The following MAST4 variants were observed in gnomAD, a reference collection of about 807,000 sequenced individuals.
MAST4 encodes microtubule associated serine/threonine kinase family member 4.
MAST4 carries 89 observed loss-of-function variants against 162.7 expected under a neutral mutation model. The ratio of observed to expected loss-of-function variants is 0.55; its 90% CI spans 0.46 to 0.65. The LOEUF is 0.65. Among genes scored for constraint, MAST4 ranks in the 30% least tolerant of loss-of-function variants. The pLI is 0.00. For synonymous variants in MAST4, 1,479 were observed against 1,361.1 expected, an observed-to-expected ratio of 1.09 and a Z score of -1.91; for missense variants, 3,153 against 3,374.0, an observed-to-expected ratio of 0.93 and a Z score of 1.62.
At position 66,966,581 on chromosome 5, in the gene MAST4, A is replaced by G. The variant is rs191979947; in HGVS notation, c.674+66599A>G. 1.3e-3 allele frequency among the ~76,000 whole-genome samples: 201 copies of G among 152,304 alleles called. 4 individuals carry two copies. The highest frequency in any genetic ancestry group is 9.7e-3 in the Admixed American group (148 of 15,304). ...TGGGCATCAACATTTAGCTGGTGGAAAGGGAAAGAGCATGGAGGGTGGTGC... is the reference window on the plus strand; with the variant it reads ...TGGGCATCAACATTTAGCTGGTGGAGAGGGAAAGAGCATGGAGGGTGGTGC... On this transcript the variant is annotated intron_variant, in intron 4 of 28. Transcript: ENST00000403625.
At chr5:66,875,514 G>A (rs25837) in intron 3 of MAST4, among the ~76,000 whole-genome samples, 3 of 151,944 alleles carry the variant, frequency 2.0e-5, no homozygotes, top group African/African-American at 7.3e-5. Context: ...GGGAACAAAA[G>A]CATCTCAATC....
At chr5:66,687,819 A>G (rs2149492295) in intron 1 of MAST4, among the ~76,000 whole-genome samples, 1 of 152,282 alleles carries the variant, frequency 6.6e-6, no homozygotes, top group Middle Eastern at 3.4e-3. Context: ...TCTTTTGAGT[A>G]AATACTCAGT....
intron 1 of MAST4, among the ~76,000 whole-genome samples, chr5:66,603,242 AAGCT>A (rs1378837880): frequency 6.6e-6 from 1 of 152,224 alleles, no homozygotes; most frequent in African/African-American, 2.4e-5. Context: ...ACTAACAGCA[AAGCT>A]TTATTGTATA....
chr5:66,746,912 CAA>C (rs1257411387), intron 1 of MAST4, among the ~76,000 whole-genome samples: 2 of 152,160 alleles, frequency 1.3e-5, no homozygotes, highest in African/African-American at 2.4e-5. Context: ...AAACTATGCA[CAA>C]AGTGTGCCAT....
Position 67,142,255 on chromosome 5 carries a change from C to T in MAST4, c.2617+18C>T, listed in dbSNP as rs375705230. 3.7e-6 allele frequency: 6 copies of T among 1,611,384 alleles called. No homozygotes were observed. Among genetic ancestry groups the T allele is most frequent in the Non-Finnish European group, 4.2e-6 (5 of 1,178,260 alleles). On this transcript the variant is annotated intron_variant, in intron 20 of 28. Coordinates refer to ENST00000403625, the MANE Select transcript of MAST4 (RefSeq NM_001164664.2). ...TTTTGATAGTATGTGCTTTATCTGA[C>T]ATAAAACATTGTTTGGCCTTTACTC...
At chr5:67,092,011 C>G (rs1281545406) in intron 6 of MAST4, among the ~76,000 whole-genome samples, 9 of 152,172 alleles carry the variant, frequency 5.9e-5, no homozygotes. Flanking sequence ...TATGAAAACT[C>G]AAATTGGTGT....
chr5:66,727,533 A>G (rs1012688241), intron 1 of MAST4, among the ~76,000 whole-genome samples: 1 of 152,162 alleles, frequency 6.6e-6, no homozygotes, highest in Non-Finnish European at 1.5e-5. Context: ...GGCAGTAAAA[A>G]GTATAGTTTC....
intron 5 of MAST4, among the ~76,000 whole-genome samples, chr5:67,059,925 A>G (rs1283675229): frequency 6.6e-6 from 1 of 152,112 alleles, no homozygotes; most frequent in East Asian, 1.9e-4. Context: ...AAAACAAAAC[A>G]TCCCGAATCC....
At chr5:66,727,639 C>T (rs1246695230) in intron 1 of MAST4, among the ~76,000 whole-genome samples, 1 of 152,202 alleles carries the variant, frequency 6.6e-6, no homozygotes, top group East Asian at 1.9e-4. Flanking sequence ...TAAAGAGCTG[C>T]ACACAAGGAT....
intron 14 of MAST4, among the ~76,000 whole-genome samples, chr5:67,123,956 C>G (rs1169086098): frequency 2.0e-5 from 3 of 149,850 alleles, no homozygotes; most frequent in African/African-American, 7.5e-5. Context: ...ACACACACAC[C>G]CTCCTTCCCA....
chr5:67,059,010 G>A (rs1047344927), intron 5 of MAST4, among the ~76,000 whole-genome samples: 1 of 152,206 alleles, frequency 6.6e-6, no homozygotes, highest in Non-Finnish European at 1.5e-5. Context: ...TCTGCTCAGG[G>A]TATTATGAGG....
chr5:67,061,062 C>T (rs76706481), intron 5 of MAST4, among the ~76,000 whole-genome samples: 1,906 of 152,236 alleles, frequency 0.013, 25 homozygotes, highest in African/African-American at 0.031. Flanking sequence ...TACAAGAAAT[C>T]ACCTGGGAAA....
At chr5:66,790,407 C>G (rs1393704119) in intron 3 of MAST4, among the ~76,000 whole-genome samples, 1 of 152,112 alleles carries the variant, frequency 6.6e-6, no homozygotes, top group South Asian at 2.1e-4. Flanking sequence ...CCTGATTCTT[C>G]TTTCAGAATA....
chr5:66,942,672 T>C (rs1194557053), intron 4 of MAST4, among the ~76,000 whole-genome samples: 1 of 152,020 alleles, frequency 6.6e-6, no homozygotes, highest in African/African-American at 2.4e-5. Context: ...TACAAAAAAA[T>C]GTTTATTGAT....
chr5:67,000,324 A>G (rs73103973), intron 4 of MAST4, among the ~76,000 whole-genome samples: 22,803 of 152,260 alleles, frequency 0.15, 1,861 homozygotes, highest in Admixed American at 0.2. Flanking sequence ...CTGCACAGGG[A>G]GCTGACAGCT....
At chr5:67,129,317 C>T (rs1056464738) in intron 14 of MAST4, among the ~76,000 whole-genome samples, 3 of 152,146 alleles carry the variant, frequency 2.0e-5, no homozygotes, top group African/African-American at 7.2e-5. Context: ...ACACATACTT[C>T]TCATTTATCT....
At chr5:66,790,328 C>T (rs1441062288) in intron 3 of MAST4, among the ~76,000 whole-genome samples, 1 of 152,046 alleles carries the variant, frequency 6.6e-6, no homozygotes, top group Non-Finnish European at 1.5e-5. Context: ...ATTCTCTCAT[C>T]TCATTTGTAC....
At chr5:66,673,516 G>GTTTTTTTTTTTT (rs1422436456) in intron 1 of MAST4, among the ~76,000 whole-genome samples, 2 of 134,792 alleles carry the variant, frequency 1.5e-5, no homozygotes, top group East Asian at 4.2e-4. Context: ...AGTTTTTTTT[G>GTTTTTTTTTTTT]TTTTTTGTTT....
At chr5:66,755,201 G>C (rs567915861) in intron 1 of MAST4, among the ~76,000 whole-genome samples, 3 of 152,300 alleles carry the variant, frequency 2.0e-5, no homozygotes, top group East Asian at 3.9e-4. Context: ...GTGTATTTTG[G>C]AAGTTGAGCC....
Sources: gnomAD v4.1 joint callset for allele counts (sites outside exome capture counted in the v4.1 genomes callset) on GRCh38, gnomAD v4.1.1 for gene constraint, MANE v1.5 for transcripts, NCBI Gene and HGNC (gene_info 2026-07-23, HGNC 2026-07-21) for gene names.